Variants in GON4L observed in about 807,000 individuals in gnomAD.
The protein encoded by GON4L is gon-4 like.
GON4L carries 87 observed loss-of-function variants against 211.8 expected under a neutral mutation model. The observed-to-expected ratio is 0.41, with a 90% CI of 0.35 to 0.49. The LOEUF is 0.49. Ranked by LOEUF, GON4L falls within the 20% of genes least tolerant of loss-of-function variation. The pLI is 0.15. For missense variants in GON4L, 2,155 were observed against 2,659.5 expected (o/e 0.81, Z 4.17); for synonymous variants, 875 against 962.6 (o/e 0.91, Z 1.68).
chr1:155,765,929 T>C lies in GON4L; in HGVS notation c.3544A>G (p.Thr1182Ala). The change falls in exon 21 of 32, where the codon ACC becomes GCC. Residue 1182 changes from threonine to alanine, a missense_variant. Transcript: ENST00000368331. ...AAGGAAGTAGGGTTAACCAAGAGGG[T>C]AGTGATGGGAATAGTCTGGGGACTC... Reference protein sequence around the residue: ...AQSPQTIPITTLLVNPTSFPC... With the variant: ...AQSPQTIPITALLVNPTSFPC... 6.2e-7 allele frequency: 1 copy of C among 1,613,736 alleles called. No individual in the cohort carries two copies. The highest frequency in any genetic ancestry group is 8.5e-7 in the Non-Finnish European group (1 of 1,179,940).
chr1:155,767,009 G>C, intron 20 of GON4L: 3 of 549,272 alleles, frequency 5.5e-6, no homozygotes, highest in Non-Finnish European at 9.6e-6. Flanking sequence ...TCGCACCTTA[G>C]CCTGGGTGGA....
chr1:155,755,747 C>T (rs1462489605), intron 27 of GON4L, among the ~76,000 whole-genome samples: 1 of 152,128 alleles, frequency 6.6e-6, no homozygotes, highest in Non-Finnish European at 1.5e-5. Flanking sequence ...GTGACTTCAG[C>T]TCTCCCATCT....
chr1:155,820,543 G>T, intron 6 of GON4L, 63 bp downstream of exon 6: 1 of 1,072,498 alleles, frequency 9.3e-7, no homozygotes, highest in Non-Finnish European at 1.4e-6. Flanking sequence ...TTTCCCTATG[G>T]GTGAATTAGA....
At chr1:155,773,536 C>A in intron 17 of GON4L, 1 of 286,694 alleles carries the variant, frequency 3.5e-6, no homozygotes. Context: ...TACCTCCTTC[C>A]CCCCTTAAAT....
intron 5 of GON4L, among the ~76,000 whole-genome samples, chr1:155,820,940 G>C (rs1668674889): frequency 6.6e-6 from 1 of 152,126 alleles, no homozygotes; most frequent in Admixed American, 6.6e-5. Context: ...CTTGGTGACA[G>C]AGCAAGACCC....
chr1:155,807,703 C>CA lies in GON4L; in HGVS notation c.1453-2563dup, dbSNP rs61248477. Among the ~76,000 whole-genome samples, 46 of 52,896 alleles carry CA rather than the reference C, an allele frequency of 8.7e-4. 2 individuals are homozygous for CA. Among genetic ancestry groups the CA allele is most frequent in the African/African-American group, 3.3e-3 (40 of 12,240 alleles). 34.7% of individuals were successfully genotyped at this position (52,896 alleles called of 152,430 possible). On this transcript the variant is annotated intron_variant, in intron 10 of 31. Transcript: ENST00000368331. ...TGGGTGACAGAGCCAGACTCCGTCT[C>CA]AAAAAAAAAAAAAAAAAAAAAAGAA...
chr1:155,817,166 A>T (rs1364344340), intron 6 of GON4L, among the ~76,000 whole-genome samples: 1 of 151,836 alleles, frequency 6.6e-6, no homozygotes, highest in Non-Finnish European at 1.5e-5. Flanking sequence ...CTAATTTTTT[A>T]AATTTTTTGT....
At chr1:155,754,103 G>A (rs1359022806) in intron 28 of GON4L, 7 of 476,006 alleles carry the variant, frequency 1.5e-5, no homozygotes, top group African/African-American at 3.9e-5. Context: ...CACGACAGAG[G>A]TTTATTTCAT....
At chr1:155,847,637 G>A (rs1372821599) in intron 2 of GON4L, among the ~76,000 whole-genome samples, 4 of 152,116 alleles carry the variant, frequency 2.6e-5, no homozygotes, top group African/African-American at 7.2e-5. Flanking sequence ...AGGAGGTGGT[G>A]GTTGCAGTGA....
chr1:155,785,643 C>T (rs1664863777), intron 12 of GON4L, among the ~76,000 whole-genome samples: 1 of 152,116 alleles, frequency 6.6e-6, no homozygotes. Flanking sequence ...ACGCATGCCA[C>T]CATGCCTGGC....
chr1:155,853,832 C>A (rs765715438), intron 1 of GON4L, 26 bp from the exon 2 acceptor site: 4 of 1,373,866 alleles, frequency 2.9e-6, no homozygotes. Context: ...GTTCTTACTG[C>A]CTTCATATTA....
chr1:155,760,624 T>A lies in GON4L; in HGVS notation c.4929A>T (p.Gln1643His), dbSNP rs950026643. ...AYLTRVREAL[Q>H]HIPGKYEDFL... ...AGTCTTCATACTTGCCAGGGATATG[T>A]TGTAGGGCTTCTCGCACCTACACGG... Residue 1643 changes from glutamine (Q) to histidine (H), a missense_variant, in exon 24 of 32, where the codon CAA becomes CAT. By Grantham distance (24) the Gln-to-His change is conservative (BLOSUM62 0). Transcript: ENST00000368331. 5.6e-6 allele frequency: 9 copies of A among 1,612,316 alleles called. No individual in the cohort carries two copies. Among genetic ancestry groups the A allele is most frequent in the Non-Finnish European group, 7.6e-6 (9 of 1,178,354 alleles).
At chr1:155,824,432 A>G (rs12029740) in intron 3 of GON4L, among the ~76,000 whole-genome samples, 1 of 114,954 alleles carries the variant, frequency 8.7e-6, no homozygotes, top group Non-Finnish European at 1.8e-5. Context: ...AAAACTCCAC[A>G]TCAAAAAAAA....
intron 5 of GON4L, among the ~76,000 whole-genome samples, chr1:155,821,117 T>C (rs1240846276): frequency 6.6e-6 from 1 of 151,824 alleles, no homozygotes; most frequent in Admixed American, 6.6e-5. Flanking sequence ...ATACAAAAAA[T>C]TAGCCGGGCG....
intron 2 of GON4L, among the ~76,000 whole-genome samples, chr1:155,837,080 G>A (rs1488747699): frequency 6.6e-6 from 1 of 152,228 alleles, no homozygotes; most frequent in East Asian, 1.9e-4. Flanking sequence ...AGCATTTGGT[G>A]CCGTTTCATT....
Position 155,765,914 on chromosome 1 carries a change from G to C in GON4L, c.3559C>G (p.Pro1187Ala). The C allele has an allele frequency of 6.2e-7, 1 of 1,614,152 alleles. No homozygotes were observed. The highest frequency in any genetic ancestry group is 8.5e-7 in the Non-Finnish European group (1 of 1,180,032). The change falls in exon 21 of 32, where the codon CCT becomes GCT. Residue 1187 changes from proline to alanine, a missense_variant. Physicochemically the swap from Pro to Ala is conservative, Grantham distance 27. Coordinates refer to ENST00000368331, the MANE Select transcript of GON4L (RefSeq NM_001282860.2). ...TIPITTLLVNPTSFPCPLNQS... is the reference protein window; with the variant it reads ...TIPITTLLVNATSFPCPLNQS... ...TTCAATGGACAGGGGAAGGAAGTAG[G>C]GTTAACCAAGAGGGTAGTGATGGGA...
chr1:155,853,476 C>T lies in GON4L; in HGVS notation c.305G>A (p.Gly102Glu), dbSNP rs1358523586. Residue 102 changes from glycine to glutamate, a missense_variant, in exon 2 of 32, where the codon GGA becomes GAA. By Grantham distance (98) the Gly-to-Glu change is moderately conservative. This residue lies in a region of GON4L where 313 missense variants were observed against 293.2 expected (regional missense o/e 1.07). Coordinates refer to ENST00000368331, the MANE Select transcript of GON4L (RefSeq NM_001282860.2). ...LEGVDVAISQGITLPSLESFH... is the reference protein window; with the variant it reads ...LEGVDVAISQEITLPSLESFH... ...AGACTCCAAGGAAGGTAGGGTGATTCCCTGAGAGATGGCCACATCAACACC... is the reference window on the plus strand; with the variant it reads ...AGACTCCAAGGAAGGTAGGGTGATTTCCTGAGAGATGGCCACATCAACACC... The T allele has an allele frequency of 1.9e-6, 3 of 1,614,004 alleles. No individual in the cohort carries two copies. The highest frequency in any genetic ancestry group is 4.5e-5 in the East Asian group (2 of 44,878).
At chr1:155,785,691 G>C (rs1180390254) in intron 12 of GON4L, among the ~76,000 whole-genome samples, 1 of 152,078 alleles carries the variant, frequency 6.6e-6, no homozygotes, top group Non-Finnish European at 1.5e-5. Flanking sequence ...GGGTTCACCA[G>C]GCTGGTCTCG....
chr1:155,822,435 T>C lies in GON4L; in HGVS notation c.739A>G (p.Lys247Glu), dbSNP rs1668816296. 2 of 1,614,022 alleles carry C rather than the reference T, an allele frequency of 1.2e-6. No individual in the cohort carries two copies. The highest frequency in any genetic ancestry group is 1.7e-6 in the Non-Finnish European group (2 of 1,179,904). The change falls in exon 4 of 32, where the codon AAA (lysine) becomes GAA (glutamate). Residue 247 changes from lysine (K) to glutamate (E), a missense_variant. By Grantham distance (56) the Lys-to-Glu change is moderately conservative. Transcript: ENST00000368331. ...TCTCGTTTCCTCTTGGTACCCTTTT[T>C]CTTTTTTCTCCTTTTCTCACTTTCT... ...NEESEKRRKKKKGTKRKRDGR... is the reference protein window; with the variant it reads ...NEESEKRRKKEKGTKRKRDGR...
Sources: gnomAD v4.1 joint callset for allele counts (sites outside exome capture counted in the v4.1 genomes callset) on GRCh38, gnomAD v4.1.1 for gene constraint, gnomAD v4.1.1 regional missense constraint, MANE v1.5 for transcripts, NCBI Gene and HGNC (gene_info 2026-07-23, HGNC 2026-07-21) for gene names.